The following SYTL2 variants were observed in gnomAD, a reference collection of about 807,000 sequenced individuals.
SYTL2 encodes the protein synaptotagmin-like protein 2.
SYTL2 carries 165 observed loss-of-function variants against 198.7 expected under a neutral mutation model. That is an observed-to-expected ratio of 0.83 (90% CI 0.73 to 0.94). SYTL2 has a LOEUF of 0.94. SYTL2 is among the 40% of genes least tolerant of loss of function. The pLI is 0.00. For missense variants in SYTL2, 2,835 were observed against 2,582.8 expected, an observed-to-expected ratio of 1.10 and a Z score of -2.12; for synonymous variants, 966 against 917.7, an observed-to-expected ratio of 1.05 and a Z score of -0.95.
At chr11:85,710,086 G>T (rs183810698) in intron 13 of SYTL2, among the ~76,000 whole-genome samples, 3 of 152,302 alleles carry the variant, frequency 2.0e-5, no homozygotes, top group Non-Finnish European at 2.9e-5. Flanking sequence ...TTTTATGCTA[G>T]GTGGCATTCA....
chr11:85,849,994 G>T, the SYTL2 span, among the ~76,000 whole-genome samples: 1 of 145,876 alleles, frequency 6.9e-6, no homozygotes, highest in African/African-American at 2.5e-5. Flanking sequence ...CCTTGAAGAG[G>T]TCCTTCACAT....
At chr11:85,764,315 G>A (rs189048265) in intron 1 of SYTL2, among the ~76,000 whole-genome samples, 145 of 152,196 alleles carry the variant, frequency 9.5e-4, no homozygotes, top group African/African-American at 3.3e-3. Context: ...ATGCGCAGGC[G>A]GTGCTAAGCC....
Position 85,713,014 on chromosome 11 carries a change from C to T in SYTL2, c.5625+1399G>A, listed in dbSNP as rs115908338. Reference sequence around the variant, plus strand: ...GATTACAGGCATAAGCTACCATGCCCGGCCTCATATTATTATATGGTTGAA... The same window carrying T: ...GATTACAGGCATAAGCTACCATGCCTGGCCTCATATTATTATATGGTTGAA... On this transcript the variant is annotated intron_variant, in intron 12 of 19. Coordinates refer to ENST00000359152, the MANE Select transcript of SYTL2 (RefSeq NM_206927.4). Among the ~76,000 whole-genome samples, 420 of 152,270 alleles carry T rather than the reference C, an allele frequency of 2.8e-3. 2 individuals are homozygous for T. The highest frequency in any genetic ancestry group is 9.1e-3 in the African/African-American group (378 of 41,538).
rs774693999 is a variant in SYTL2, at chr11:85,724,262, TG to T, written c.5095del (p.Gln1699ArgfsTer24). 2 of 1,566,556 alleles carry T rather than the reference TG, an allele frequency of 1.3e-6. No homozygotes were observed. The highest frequency in any genetic ancestry group is 4.0e-5 in the Admixed American group (2 of 50,132). On this transcript the variant is annotated frameshift_variant, in exon 8 of 20. Coordinates refer to ENST00000359152, the MANE Select transcript of SYTL2 (RefSeq NM_206927.4). LOFTEE classifies it high-confidence loss of function. ...SGVAGGQGTL[Q>X]EPGFGEASEA... ...AGAAGCCTCTCCAAAGCCAGGTTCCTGAAGAGTCCCTTGTCCCCCTGCAACC... is the reference window on the plus strand; with the variant it reads ...AGAAGCCTCTCCAAAGCCAGGTTCCTAAGAGTCCCTTGTCCCCCTGCAACC...
At chr11:85,735,247 T>G (rs545320322) in intron 6 of SYTL2, among the ~76,000 whole-genome samples, 1 of 152,342 alleles carries the variant, frequency 6.6e-6, no homozygotes, top group African/African-American at 2.4e-5. Flanking sequence ...ATAAACTTCA[T>G]TGCACTGTAC....
At chr11:85,702,513 A>G (rs1043104464) in intron 16 of SYTL2, among the ~76,000 whole-genome samples, 2 of 152,194 alleles carry the variant, frequency 1.3e-5, no homozygotes, top group African/African-American at 4.8e-5. Context: ...TAAGTCCTTC[A>G]GGTGAATCAG....
intron 1 of SYTL2, among the ~76,000 whole-genome samples, chr11:85,763,783 T>G (rs941445988): frequency 2.6e-5 from 4 of 151,614 alleles, no homozygotes; most frequent in Non-Finnish European, 5.9e-5. Context: ...AAAAAGGCCC[T>G]GATCAACAAG....
the SYTL2 span, among the ~76,000 whole-genome samples, chr11:85,824,987 T>C: frequency 6.6e-6 from 1 of 152,208 alleles, no homozygotes; most frequent in Non-Finnish European, 1.5e-5. Context: ...AGGAAAAGGA[T>C]GTCTGGATCA....
Position 85,727,005 on chromosome 11 carries a change from G to C in SYTL2, c.2353C>G (p.Gln785Glu). The C allele has an allele frequency of 1.3e-6, 2 of 1,536,456 alleles. No individual in the cohort carries two copies. The highest frequency in any genetic ancestry group is 1.7e-4 in the Middle Eastern group (1 of 5,996). ...EAGEVPKNQVQREKYKRVSDR... is the reference protein window; with the variant it reads ...EAGEVPKNQVEREKYKRVSDR... ...CTCACTCTTTTGTATTTCTCTCTCT[G>C]CACTTGGTTCTTGGGAACCTCACCA... Residue 785 changes from glutamine (Q) to glutamate (E), a missense_variant, in exon 8 of 20, where the codon CAG becomes GAG. Gln to Glu is a conservative substitution (Grantham distance 29, BLOSUM62 2). Coordinates refer to ENST00000359152, the MANE Select transcript of SYTL2 (RefSeq NM_206927.4).
At chr11:85,730,215 A>T (rs2089657054) in intron 7 of SYTL2, among the ~76,000 whole-genome samples, 1 of 152,184 alleles carries the variant, frequency 6.6e-6, no homozygotes. Context: ...ACAACAGAAA[A>T]AGAGGGACTC....
chr11:85,717,356 C>T (rs967937101), intron 11 of SYTL2, 127 bp downstream of exon 11: 7 of 737,440 alleles, frequency 9.5e-6, no homozygotes, highest in Middle Eastern at 2.5e-4. Context: ...AATGAAATAG[C>T]TTTGCAAGCT....
In SYTL2 at chr11:85,726,991, G is replaced by T; in HGVS notation, c.2367C>A (p.Tyr789Ter). The T allele has an allele frequency of 6.5e-7, 1 of 1,536,554 alleles. No homozygotes were observed. Among genetic ancestry groups the T allele is most frequent in the African/African-American group, 1.4e-5 (1 of 73,150 alleles). ...AGGATATTCTGTCACTCACTCTTTT[G>T]TATTTCTCTCTCTGCACTTGGTTCT... ...VPKNQVQREK[Y>*]KRVSDRISFW... The change falls in exon 8 of 20, where the codon TAC becomes TAA. Residue 789 changes from tyrosine to a stop codon, truncating the protein, a stop_gained. Coordinates refer to ENST00000359152, the MANE Select transcript of SYTL2 (RefSeq NM_206927.4). LOFTEE classifies it high-confidence loss of function.
intron 4 of SYTL2, among the ~76,000 whole-genome samples, chr11:85,739,385 C>A (rs1443542399): frequency 6.6e-6 from 1 of 150,738 alleles, no homozygotes; most frequent in Non-Finnish European, 1.5e-5. Flanking sequence ...ACAGTCAGAA[C>A]ACATAGTCAG....
chr11:85,728,161 A>G, intron 7 of SYTL2, 194 bp from the exon 8 acceptor site: 1 of 536,556 alleles, frequency 1.9e-6, no homozygotes, highest in Non-Finnish European at 3.2e-6. Flanking sequence ...GCCCTATGAC[A>G]GTAAAGGAAA....
intron 16 of SYTL2, among the ~76,000 whole-genome samples, chr11:85,703,538 A>C (rs756885532): frequency 6.6e-6 from 1 of 152,184 alleles, no homozygotes; most frequent in Non-Finnish European, 1.5e-5. Context: ...TATCCCTCCA[A>C]GATTGAAAAA....
chr11:85,742,168 C>T (rs1338904067), intron 4 of SYTL2, among the ~76,000 whole-genome samples: 2 of 152,132 alleles, frequency 1.3e-5, no homozygotes, highest in African/African-American at 4.8e-5. Flanking sequence ...GGCATGGCCA[C>T]GCAGAGGTTT....
intron 10 of SYTL2, 146 bp downstream of exon 10, chr11:85,718,644 A>T (rs1365968917): frequency 7.5e-6 from 5 of 665,062 alleles, no homozygotes; most frequent in Non-Finnish European, 1.0e-5. Flanking sequence ...CCAAATCAGA[A>T]CTGTTTTATA....
the SYTL2 span, among the ~76,000 whole-genome samples, chr11:85,816,343 AC>A: frequency 6.6e-6 from 1 of 152,342 alleles, no homozygotes; most frequent in East Asian, 1.9e-4. Context: ...CTGTTTTAGA[AC>A]AGATTTTGTT....
At chr11:85,787,729 T>C (rs1418568075) in intron 1 of SYTL2, among the ~76,000 whole-genome samples, 2 of 139,720 alleles carry the variant, frequency 1.4e-5, no homozygotes, top group African/African-American at 2.7e-5. Context: ...TGTATTTTTA[T>C]GGTATTTAGT....
Sources: allele counts gnomAD v4.1 joint callset (sites outside exome capture counted in the v4.1 genomes callset), GRCh38; gene constraint gnomAD v4.1.1; transcripts MANE v1.5; gene names NCBI Gene and HGNC (gene_info 2026-07-23, HGNC 2026-07-21).